Variants in DPP6 observed in about 807,000 individuals in gnomAD.
DPP6 encodes the protein A-type potassium channel modulatory protein DPP6.
In DPP6, 69 loss-of-function variants were observed where a neutral mutation model predicts 122.6. The observed-to-expected ratio is 0.56, with a 90% confidence interval of 0.46 to 0.69. DPP6 has a LOEUF of 0.69. Among genes scored for constraint, DPP6 ranks in the 30% least tolerant of loss-of-function variants. The pLI, the probability that DPP6 is intolerant of heterozygous loss-of-function variation, is 0.00. For missense variants in DPP6, 928 were observed against 1,116.9 expected, an observed-to-expected ratio of 0.83 and a Z score of 2.41; for synonymous variants, 418 against 433.1, an observed-to-expected ratio of 0.97 and a Z score of 0.43.
At chr7:154,010,264 C>T (rs1445438754) in intron 1 of DPP6, among the ~76,000 whole-genome samples, 1 of 152,222 alleles carries the variant, frequency 6.6e-6, no homozygotes, top group African/African-American at 2.4e-5. Context: ...GCAAATCTGC[C>T]TCAGCAAACA....
At chr7:153,953,562 G>A (rs1033536851) in intron 1 of DPP6, among the ~76,000 whole-genome samples, 4 of 152,276 alleles carry the variant, frequency 2.6e-5, no homozygotes, top group East Asian at 1.9e-4. Context: ...CTGTGCCCTC[G>A]CTGCATGGGC....
intron 1 of DPP6, among the ~76,000 whole-genome samples, chr7:154,265,645 G>A (rs111689422): frequency 2.4e-4 from 37 of 152,216 alleles, no homozygotes; most frequent in Non-Finnish European, 7.3e-5. Context: ...TAATGTAGCC[G>A]ACTTACACAA....
At chr7:154,639,159 C>T (rs1388542003) in intron 6 of DPP6, among the ~76,000 whole-genome samples, 11 of 152,156 alleles carry the variant, frequency 7.2e-5, no homozygotes, top group Non-Finnish European at 1.5e-5. Context: ...GGAAAACAAA[C>T]TCGAATAAAC....
At chr7:154,484,927 CCTCTT>C (rs1446333541) in intron 3 of DPP6, among the ~76,000 whole-genome samples, 4 of 151,856 alleles carry the variant, frequency 2.6e-5, no homozygotes, top group Admixed American at 6.6e-5. Context: ...TGTGCTTTAT[CCTCTT>C]CTCTTTTGTT....
the DPP6 span, among the ~76,000 whole-genome samples, chr7:153,784,962 G>A: frequency 2.0e-5 from 3 of 152,174 alleles, no homozygotes; most frequent in African/African-American, 7.2e-5. Flanking sequence ...CAATTAACCA[G>A]GTTGCTGGGG....
intron 1 of DPP6, among the ~76,000 whole-genome samples, chr7:154,061,327 A>C (rs1405000880): frequency 4.0e-5 from 6 of 148,176 alleles, no homozygotes; most frequent in Admixed American, 4.0e-4. Context: ...GGGCTACCCG[A>C]TCTGACAAAG....
chr7:154,514,632 C>T (rs533155335), intron 3 of DPP6, among the ~76,000 whole-genome samples: 75 of 152,290 alleles, frequency 4.9e-4, no homozygotes, highest in African/African-American at 1.7e-3. Flanking sequence ...AGTGGAATCA[C>T]GCAGTATTTG....
the DPP6 span, among the ~76,000 whole-genome samples, chr7:153,855,279 T>A: frequency 5.0e-5 from 5 of 100,144 alleles, no homozygotes; most frequent in African/African-American, 1.4e-4. Context: ...ATAAAAAAAA[T>A]ATTCTTTTTC....
Position 154,403,036 on chromosome 7 carries a change from TAA to T in DPP6, c.244-43177_244-43176del, listed in dbSNP as rs1453792586. Among the ~76,000 whole-genome samples the T allele has an allele frequency of 6.6e-6, 1 of 152,254 alleles. No individual in the cohort carries two copies. Among genetic ancestry groups the T allele is most frequent in the East Asian group, 1.9e-4 (1 of 5,194 alleles). The stretch of plus-strand genomic sequence containing the variant: ...ATTATGATGTGTAAAACAGAGATGC[TAA>T]TAGCTAATTATCAGAGTTATTTATA... On this transcript the variant is annotated intron_variant, in intron 1 of 25. Transcript: ENST00000377770. This position sits in a 1 kb window ranked among gnomAD's most constrained non-coding sequence, Gnocchi z 4.1.
intron 8 of DPP6, among the ~76,000 whole-genome samples, chr7:154,743,963 A>C (rs186492626): frequency 6.6e-6 from 1 of 152,250 alleles, no homozygotes. Context: ...TCAAACCTAT[A>C]TTGTTCAAGG....
At chr7:154,484,153 C>A (rs1165079686) in intron 3 of DPP6, among the ~76,000 whole-genome samples, 1 of 152,148 alleles carries the variant, frequency 6.6e-6, no homozygotes, top group Non-Finnish European at 1.5e-5. Flanking sequence ...CTCTTATTGA[C>A]ACTGTTGCAG....
intron 1 of DPP6, among the ~76,000 whole-genome samples, chr7:154,018,190 G>A (rs572312504): frequency 2.6e-5 from 4 of 151,846 alleles, no homozygotes; most frequent in Admixed American, 1.3e-4. Context: ...CCTGAAATAC[G>A]CTGTCCCCTT....
At chr7:153,828,358 G>A in the DPP6 span, among the ~76,000 whole-genome samples, 18 of 152,242 alleles carry the variant, frequency 1.2e-4, no homozygotes, top group South Asian at 8.3e-4. Context: ...TCTACACGTG[G>A]GATTAATGAC....
intron 1 of DPP6, among the ~76,000 whole-genome samples, chr7:154,195,833 T>C (rs1188974010): frequency 6.6e-6 from 1 of 152,176 alleles, no homozygotes; most frequent in Non-Finnish European, 1.5e-5. Context: ...GACAGCAGTG[T>C]GTCCTTGCAC....
At chr7:154,393,135 T>G (rs1041355542) in intron 1 of DPP6, among the ~76,000 whole-genome samples, 4 of 152,338 alleles carry the variant, frequency 2.6e-5, no homozygotes, top group African/African-American at 9.6e-5. Context: ...TATTTAGAAA[T>G]GTACAGAGTG....
At chr7:154,264,723 T>G (rs1803264300) in intron 1 of DPP6, among the ~76,000 whole-genome samples, 1 of 151,866 alleles carries the variant, frequency 6.6e-6, no homozygotes, top group African/African-American at 2.4e-5. Context: ...ATAATGATAG[T>G]GATAGTGACA....
chr7:154,809,263 AAAG>A (rs1269015127), intron 16 of DPP6, among the ~76,000 whole-genome samples: 3 of 152,016 alleles, frequency 2.0e-5, no homozygotes, highest in African/African-American at 4.8e-5. Flanking sequence ...TAAAAAAAAA[AAAG>A]AAGAAGAAGG....
chr7:154,107,298 C>T (rs1005812930), intron 1 of DPP6, among the ~76,000 whole-genome samples: 5 of 152,308 alleles, frequency 3.3e-5, no homozygotes, highest in African/African-American at 1.2e-4. Context: ...CATGAATGAA[C>T]CTGGAGGACA....
At chr7:154,003,428 A>G (rs1435579438) in intron 1 of DPP6, among the ~76,000 whole-genome samples, 1 of 152,202 alleles carries the variant, frequency 6.6e-6, no homozygotes, top group African/African-American at 2.4e-5. Flanking sequence ...CAGGCTCACA[A>G]TCAATAGTCA....
Sources: gnomAD v4.1 joint callset for allele counts (sites outside exome capture counted in the v4.1 genomes callset) on GRCh38, gnomAD v4.1.1 for gene constraint, Gnocchi (gnomAD v3.1) non-coding constraint, MANE v1.5 for transcripts, NCBI Gene and HGNC (gene_info 2026-07-23, HGNC 2026-07-21) for gene names.